SGCZ: variants seen among roughly 807,000 people sequenced by gnomAD.
SGCZ encodes zeta-sarcoglycan.
A neutral mutation model predicts 41.3 loss-of-function variants in SGCZ; 40 were observed. That is an observed-to-expected ratio of 0.97 (90% CI 0.75 to 1.26). The LOEUF is 1.26. Among genes scored for constraint, SGCZ ranks in the 50% most tolerant of loss-of-function variants. SGCZ has a pLI of 0.00. For synonymous variants in SGCZ, 206 were observed against 137.5 expected (o/e 1.50, Z -3.49); for missense variants, 552 against 369.8 (o/e 1.49, Z -4.04).
chr8:14,424,797 T>G (rs1451267437), intron 2 of SGCZ, among the ~76,000 whole-genome samples: 1 of 152,222 alleles, frequency 6.6e-6, no homozygotes, highest in African/African-American at 2.4e-5. Flanking sequence ...GTTTGCTAAC[T>G]CTTCCTTCAT....
chr8:14,667,803 A>G (rs976853805), intron 1 of SGCZ, among the ~76,000 whole-genome samples: 2 of 152,204 alleles, frequency 1.3e-5, no homozygotes, highest in Non-Finnish European at 2.9e-5. Flanking sequence ...GACAGGTTAT[A>G]AACATAAAAA....
Position 14,706,253 on chromosome 8 carries a change from C to A in SGCZ, c.40-151327G>T, listed in dbSNP as rs190935643. On this transcript the variant is annotated intron_variant, in intron 1 of 7. Transcript: ENST00000382080. ...CACATCACACTGCCCTTTTTAAAAC[C>A]AGAATAAAACAAAATCTAGTTCACG... Among the ~76,000 whole-genome samples the A allele has an allele frequency of 7.4e-4, 112 of 151,812 alleles. 1 individual carries two copies. The East Asian group carries it at 0.02, about 27-fold the overall frequency.
At chr8:15,199,724 T>C (rs186797253) in intron 1 of SGCZ, among the ~76,000 whole-genome samples, 3 of 152,276 alleles carry the variant, frequency 2.0e-5, no homozygotes, top group Admixed American at 2.0e-4. Flanking sequence ...ATATAAACTA[T>C]TGGCTAGGGA....
intron 4 of SGCZ, among the ~76,000 whole-genome samples, chr8:14,206,004 T>C (rs1427508729): frequency 6.6e-6 from 1 of 152,110 alleles, no homozygotes; most frequent in Admixed American, 6.6e-5. Flanking sequence ...ATAATTGATA[T>C]TTAAACTCGG....
chr8:15,170,062 T>A (rs1799782577), intron 1 of SGCZ, among the ~76,000 whole-genome samples: 1 of 152,224 alleles, frequency 6.6e-6, no homozygotes, highest in Non-Finnish European at 1.5e-5. Context: ...TGGTTTATCA[T>A]TCAAAGAACG....
rs372325060 is a variant in SGCZ, at chr8:14,680,199, G to T, written c.40-125273C>A. On this transcript the variant is annotated intron_variant, in intron 1 of 7. Coordinates refer to ENST00000382080, the MANE Select transcript of SGCZ (RefSeq NM_139167.4). ...AGTGGTTGCAAGAGGTGAAGTGGAG[G>T]GGGTAGAGATAAACAGGCAAAACAT... 4.6e-5 allele frequency among the ~76,000 whole-genome samples: 7 copies of T among 152,166 alleles called. No homozygotes were observed. In the South Asian group the frequency reaches 1.2e-3, roughly 27 times the overall value.
chr8:14,106,572 G>A (rs532239643), intron 6 of SGCZ, among the ~76,000 whole-genome samples: 35 of 152,096 alleles, frequency 2.3e-4, no homozygotes, highest in Non-Finnish European at 4.4e-4. Flanking sequence ...AAAATTTACT[G>A]TTGTAAAGTA....
intron 1 of SGCZ, among the ~76,000 whole-genome samples, chr8:14,593,759 T>G (rs1353465556): frequency 1.3e-5 from 2 of 152,198 alleles, no homozygotes; most frequent in Non-Finnish European, 2.9e-5. Flanking sequence ...TGGATTGAAT[T>G]TTATCCCTAG....
intron 2 of SGCZ, among the ~76,000 whole-genome samples, chr8:14,491,708 T>A (rs1396291840): frequency 6.6e-6 from 1 of 152,190 alleles, no homozygotes; most frequent in Non-Finnish European, 1.5e-5. Flanking sequence ...AAATTTTCTT[T>A]GTTACACTGT....
intron 1 of SGCZ, among the ~76,000 whole-genome samples, chr8:14,740,121 A>G (rs1284298498): frequency 2.0e-5 from 3 of 152,088 alleles, no homozygotes; most frequent in African/African-American, 4.8e-5. Flanking sequence ...ATCAAGCATT[A>G]TATAACTTCT....
At chr8:14,692,142 G>C (rs1808819633) in intron 1 of SGCZ, among the ~76,000 whole-genome samples, 1 of 151,858 alleles carries the variant, frequency 6.6e-6, no homozygotes, top group African/African-American at 2.4e-5. Flanking sequence ...GGTTGCATCT[G>C]ACCATTAATT....
At chr8:15,201,865 A>G (rs181264142) in intron 1 of SGCZ, among the ~76,000 whole-genome samples, 1 of 152,334 alleles carries the variant, frequency 6.6e-6, no homozygotes, top group African/African-American at 2.4e-5. Flanking sequence ...AGTAAGAAAG[A>G]GTGACTATCT....
intron 1 of SGCZ, among the ~76,000 whole-genome samples, chr8:14,918,725 TC>T: frequency 6.6e-6 from 1 of 152,348 alleles, no homozygotes; most frequent in South Asian, 2.1e-4. Flanking sequence ...TCATTATTGT[TC>T]TGAAGAGGTC....
intron 2 of SGCZ, among the ~76,000 whole-genome samples, chr8:14,389,338 A>G (rs940107054): frequency 6.6e-6 from 1 of 151,856 alleles, no homozygotes; most frequent in African/African-American, 2.4e-5. Flanking sequence ...TTCAGAAATA[A>G]AGAAAAATAT....
intron 1 of SGCZ, among the ~76,000 whole-genome samples, chr8:14,793,528 T>C (rs763515814): frequency 6.6e-6 from 1 of 151,872 alleles, no homozygotes; most frequent in Non-Finnish European, 1.5e-5. Flanking sequence ...ACTCAAAAGG[T>C]GGTAGATAGA....
At chr8:14,899,367 A>G (rs897461885) in intron 1 of SGCZ, among the ~76,000 whole-genome samples, 3 of 152,192 alleles carry the variant, frequency 2.0e-5, no homozygotes, top group African/African-American at 7.2e-5. Context: ...ATGAAGATAC[A>G]TGAAATGAAT....
intron 7 of SGCZ, among the ~76,000 whole-genome samples, chr8:14,098,392 A>T (rs1377093172): frequency 6.6e-6 from 1 of 152,166 alleles, no homozygotes; most frequent in Admixed American, 6.5e-5. Context: ...TTTTGGGGGT[A>T]TGGATGTTGG....
At chr8:14,533,474 G>A (rs79474037) in intron 2 of SGCZ, among the ~76,000 whole-genome samples, 12,559 of 151,918 alleles carry the variant, frequency 0.083, 639 homozygotes, top group East Asian at 0.18. Context: ...AATGAGGAAT[G>A]TGGAAGAAAA....
At chr8:14,149,210 G>C (rs1216502839) in intron 5 of SGCZ, among the ~76,000 whole-genome samples, 1 of 151,926 alleles carries the variant, frequency 6.6e-6, no homozygotes, top group African/African-American at 2.4e-5. Flanking sequence ...AGAAAGATTT[G>C]AGCATCCAAA....
Sources: gnomAD v4.1 joint callset for allele counts (sites outside exome capture counted in the v4.1 genomes callset) on GRCh38, gnomAD v4.1.1 for gene constraint, MANE v1.5 for transcripts, NCBI Gene and HGNC (gene_info 2026-07-23, HGNC 2026-07-21) for gene names.